Variants in PRKCB observed in about 807,000 individuals in gnomAD.
PRKCB encodes the protein protein kinase C beta, also known as protein kinase C beta type.
Under a neutral mutation model 81.5 loss-of-function variants are expected in PRKCB, and 13 were observed. That is an observed-to-expected ratio of 0.16 (90% CI 0.10 to 0.25). PRKCB has a LOEUF of 0.25. Among genes scored for constraint, PRKCB ranks in the 10% least tolerant of loss-of-function variants. PRKCB has a pLI of 1.00. For synonymous variants in PRKCB, 335 were observed against 321.4 expected, an observed-to-expected ratio of 1.04 and a Z score of -0.45; for missense variants, 509 against 875.7, an observed-to-expected ratio of 0.58 and a Z score of 5.29.
At chr16:24,066,434 T>A (rs1312448094) in intron 5 of PRKCB, among the ~76,000 whole-genome samples, 1 of 152,250 alleles carries the variant, frequency 6.6e-6, no homozygotes, top group Non-Finnish European at 1.5e-5. Context: ...TATTGCATTT[T>A]AAATAAACTT....
rs1567406405 is a variant in PRKCB, at chr16:24,187,694, GTTTT to G, written c.1722+2128_1722+2131del. Reference sequence around the variant, plus strand: ...GTTTTGTTTTGTTTTGTTTTGTTTTGTTTTATCAATGTCTCGCTCTGTCGCCCAG... The same window carrying G: ...GTTTTGTTTTGTTTTGTTTTGTTTTGATCAATGTCTCGCTCTGTCGCCCAG... On this transcript the variant is annotated intron_variant, in intron 15 of 16. Coordinates refer to ENST00000643927, the MANE Select transcript of PRKCB (RefSeq NM_002738.7). Among the ~76,000 whole-genome samples the G allele has an allele frequency of 9.4e-3, 1,385 of 147,652 alleles. 19 individuals are homozygous for G. The highest frequency in any genetic ancestry group is 0.034 in the African/African-American group (1,313 of 38,404).
chr16:24,206,411 G>A (rs894382191), intron 16 of PRKCB, among the ~76,000 whole-genome samples: 1 of 152,122 alleles, frequency 6.6e-6, no homozygotes, highest in African/African-American at 2.4e-5. Context: ...TGACCTTCTG[G>A]TCTTGTTAAC....
At chr16:24,168,246 A>T (rs1967377384) in intron 10 of PRKCB, among the ~76,000 whole-genome samples, 1 of 152,198 alleles carries the variant, frequency 6.6e-6, no homozygotes, top group African/African-American at 2.4e-5. Flanking sequence ...ATTAGATTAA[A>T]TAACTGCTCA....
At chr16:24,074,510 G>C (rs1966154494) in intron 5 of PRKCB, among the ~76,000 whole-genome samples, 1 of 152,182 alleles carries the variant, frequency 6.6e-6, no homozygotes, top group African/African-American at 2.4e-5. Flanking sequence ...GGCTCATATA[G>C]TAAGAGCTCA....
rs536826908 is a variant in PRKCB at position 23,891,969 on chromosome 16, G to A, written c.205+54563G>A. On this transcript the variant is annotated intron_variant, in intron 2 of 16. Transcript: ENST00000643927. ...GTTAGAATCCCTTCTAGTGTAATGT[G>A]TGAAAAACCATAGGCCCCCTGCCCA... Among the ~76,000 whole-genome samples the A allele has an allele frequency of 5.3e-5, 8 of 152,282 alleles. No individual in the cohort carries two copies. The East Asian group carries it at 1.5e-3, about 29-fold the overall frequency.
chr16:23,946,108 T>C (rs899519744), intron 2 of PRKCB, among the ~76,000 whole-genome samples: 1 of 152,212 alleles, frequency 6.6e-6, no homozygotes, highest in African/African-American at 2.4e-5. Flanking sequence ...GGTTAAATAA[T>C]GTTTCTGTTA....
intron 10 of PRKCB, among the ~76,000 whole-genome samples, chr16:24,171,959 C>T (rs183090833): frequency 1.3e-5 from 2 of 152,144 alleles, no homozygotes; most frequent in African/African-American, 4.8e-5. Flanking sequence ...GCCAGGCTGG[C>T]CTTGAACTCC....
chr16:24,086,629 C>T (rs118131649), intron 5 of PRKCB, among the ~76,000 whole-genome samples: 1,866 of 152,266 alleles, frequency 0.012, 9 homozygotes, highest in Non-Finnish European at 0.021. Flanking sequence ...ACTGTAAAAG[C>T]ACAACTGAAT....
intron 15 of PRKCB, among the ~76,000 whole-genome samples, chr16:24,187,379 C>T (rs1967718508): frequency 6.6e-6 from 1 of 152,184 alleles, no homozygotes; most frequent in African/African-American, 2.4e-5. Context: ...ACGGCATCTG[C>T]AGATTGGGGA....
intron 10 of PRKCB, among the ~76,000 whole-genome samples, chr16:24,163,824 T>G (rs1431148459): frequency 6.6e-6 from 1 of 152,200 alleles, no homozygotes; most frequent in East Asian, 1.9e-4. Flanking sequence ...TACCCCCTTT[T>G]GGGAAGGTAG....
chr16:23,990,186 C>T (rs752677726), intron 3 of PRKCB, among the ~76,000 whole-genome samples: 1 of 151,920 alleles, frequency 6.6e-6, no homozygotes, highest in Non-Finnish European at 1.5e-5. Context: ...TGGCCAGGCA[C>T]GGTGGCTCAC....
chr16:24,087,390 C>T (rs1263916151), intron 5 of PRKCB, among the ~76,000 whole-genome samples: 9 of 152,156 alleles, frequency 5.9e-5, no homozygotes, highest in Non-Finnish European at 1.2e-4. Context: ...AGTATGAATG[C>T]GCCATATATT....
chr16:23,840,803 G>A (rs771703294), intron 2 of PRKCB, among the ~76,000 whole-genome samples: 2 of 152,190 alleles, frequency 1.3e-5, no homozygotes, highest in Non-Finnish European at 2.9e-5. Context: ...GGATTTCTGT[G>A]TGCTCAGGGG....
At chr16:24,039,924 C>A (rs892305324) in intron 5 of PRKCB, among the ~76,000 whole-genome samples, 13 of 152,148 alleles carry the variant, frequency 8.5e-5, no homozygotes, top group African/African-American at 2.9e-4. Flanking sequence ...TGTGCGGGGT[C>A]CTTCCCAGCA....
intron 2 of PRKCB, among the ~76,000 whole-genome samples, chr16:23,972,182 C>T (rs62029571): frequency 0.078 from 11,855 of 152,176 alleles, 660 homozygotes; most frequent in South Asian, 0.15. Flanking sequence ...AGAAGGCAGA[C>T]ACAAAATAGT....
At chr16:24,021,624 G>C (rs1203818441) in intron 3 of PRKCB, among the ~76,000 whole-genome samples, 1 of 152,006 alleles carries the variant, frequency 6.6e-6, no homozygotes, top group Non-Finnish European at 1.5e-5. Flanking sequence ...CTGAGGAGCA[G>C]GGGGGCAGCC....
intron 10 of PRKCB, among the ~76,000 whole-genome samples, chr16:24,158,550 ATATGTATATG>A (rs1967202482): frequency 5.3e-5 from 7 of 131,316 alleles, no homozygotes; most frequent in Admixed American, 7.4e-5. Context: ...AAGTATATGT[ATATGTATATG>A]TATATGTATA....
intron 2 of PRKCB, among the ~76,000 whole-genome samples, chr16:23,956,210 C>T (rs182110151): frequency 6.6e-6 from 1 of 152,206 alleles, no homozygotes; most frequent in African/African-American, 2.4e-5. Flanking sequence ...CAACCTCCAC[C>T]TCCAGGGCTC....
At position 24,059,313 on chromosome 16, in the gene PRKCB, C is replaced by G. The variant is rs561798787; in HGVS notation, c.529+23766C>G. ...AGGTTCAGGCTCTGGGAAATGGAGC[C>G]ACTTCAGTCATCAGTGGAGCAAGAG... On this transcript the variant is annotated intron_variant, in intron 5 of 16. Transcript: ENST00000643927. Among the ~76,000 whole-genome samples the G allele has an allele frequency of 2.0e-5, 3 of 152,162 alleles. No homozygotes were observed. The South Asian group carries it at 6.2e-4, about 32-fold the overall frequency.
Sources: allele counts gnomAD v4.1 joint callset (sites outside exome capture counted in the v4.1 genomes callset), GRCh38; gene constraint gnomAD v4.1.1; transcripts MANE v1.5; gene names NCBI Gene and HGNC (gene_info 2026-07-23, HGNC 2026-07-21).